TBCD: variants seen among roughly 807,000 people sequenced by gnomAD.
The protein encoded by TBCD is tubulin-specific chaperone D.
Under a neutral mutation model 169.3 loss-of-function variants are expected in TBCD, and 105 were observed. The ratio of observed to expected loss-of-function variants is 0.62; its 90% CI spans 0.53 to 0.73. The LOEUF (loss-of-function observed/expected upper bound fraction) is 0.73, where lower values mean the gene tolerates loss of function less well. Among genes scored for constraint, TBCD ranks in the 30% least tolerant of loss-of-function variants. TBCD has a pLI of 0.00. For missense variants in TBCD, 1,444 were observed against 1,600.1 expected (o/e 0.90, Z 1.66); for synonymous variants, 700 against 643.9 (o/e 1.09, Z -1.32).
intron 13 of TBCD, among the ~76,000 whole-genome samples, chr17:82,863,174 T>G (rs1325831437): frequency 1.3e-4 from 20 of 152,234 alleles, no homozygotes; most frequent in Admixed American, 1.3e-3. Context: ...CCCACCGTCC[T>G]CGTGGTGCCT....
chr17:82,855,989 CCCA>C (rs1177049492), intron 13 of TBCD, among the ~76,000 whole-genome samples: 1 of 142,374 alleles, frequency 7.0e-6, no homozygotes. Flanking sequence ...AGACTCCCCC[CCCA>C]CTTTTTTTTT....
chr17:82,926,226 G>C (rs1372374203), intron 27 of TBCD, among the ~76,000 whole-genome samples, 174 bp from the exon 28 acceptor site: 1 of 150,212 alleles, frequency 6.7e-6, no homozygotes, highest in African/African-American at 2.4e-5. Context: ...ACCTCTCCCC[G>C]GGTGTCCTTC....
rs1316445811 is a variant in TBCD, at chr17:82,925,918, TG to T, written c.2380-480del. ...GGGTGGGGGCTGGCCGTGGAGAGGCTGGAGGTGACCTCTCCCCGGGTGTCCT... is the reference window on the plus strand; with the variant it reads ...GGGTGGGGGCTGGCCGTGGAGAGGCTGAGGTGACCTCTCCCCGGGTGTCCT... On this transcript the variant is annotated intron_variant, in intron 27 of 38. Coordinates refer to ENST00000355528, the MANE Select transcript of TBCD (RefSeq NM_005993.5). Among the ~76,000 whole-genome samples the T allele has an allele frequency of 2.4e-3, 364 of 150,448 alleles. 4 individuals carry two copies. Among genetic ancestry groups the T allele is most frequent in the Middle Eastern group, 0.01 (3 of 294 alleles).
At position 82,752,247 on chromosome 17, in the gene TBCD, C is replaced by G. The variant is rs1003016750; in HGVS notation, c.54C>G (p.Asp18Glu). 1.3e-6 allele frequency: 2 copies of G among 1,525,722 alleles called. No homozygotes were observed. Among genetic ancestry groups the G allele is most frequent in the Non-Finnish European group, 1.8e-6 (2 of 1,140,358 alleles). 94.5% of individuals were successfully genotyped at this position (1,525,722 alleles called of 1,614,324 possible). Reference protein sequence around the residue: ...AAGGPEEEAEDETLAFGAALE... With the variant: ...AAGGPEEEAEEETLAFGAALE... ...GCGGCCCCGAGGAGGAGGCGGAGGA[C>G]GAGACACTGGCCTTTGGCGCGGCGC... Residue 18 changes from aspartate to glutamate, a missense_variant, in exon 1 of 39, where the codon GAC becomes GAG. Asp to Glu is a conservative substitution (Grantham distance 45, BLOSUM62 2). Coordinates refer to ENST00000355528, the MANE Select transcript of TBCD (RefSeq NM_005993.5).
chr17:82,815,263 G>A (rs1180909934), intron 13 of TBCD, among the ~76,000 whole-genome samples: 1 of 152,202 alleles, frequency 6.6e-6, no homozygotes, highest in Non-Finnish European at 1.5e-5. Context: ...GGAGGGCCAC[G>A]AATCCTTGTA....
chr17:82,752,849 G>A (rs555900046), intron 1 of TBCD, among the ~76,000 whole-genome samples: 2 of 152,304 alleles, frequency 1.3e-5, no homozygotes, highest in Admixed American at 6.5e-5. Context: ...GAGAGAGGGG[G>A]ACGCAGGGAA....
chr17:82,818,174 T>C (rs189284063), intron 13 of TBCD, among the ~76,000 whole-genome samples: 18 of 152,364 alleles, frequency 1.2e-4, no homozygotes, highest in African/African-American at 4.1e-4. Flanking sequence ...TGACACGTGA[T>C]GTGGAATACA....
rs544999614 is a variant in TBCD, at chr17:82,806,702, C to T, written c.1087+691C>T. On this transcript the variant is annotated intron_variant, in intron 10 of 38. Coordinates refer to ENST00000355528, the MANE Select transcript of TBCD (RefSeq NM_005993.5). This position sits in a 1 kb window ranked among gnomAD's most constrained non-coding sequence, Gnocchi z 5.1. ...CTGTGCTGCACTCTGCTCACATCCC[C>T]GCCGCTCCCTCCAGGGCAGGTTTCT... 1.3e-5 allele frequency among the ~76,000 whole-genome samples: 2 copies of T among 152,242 alleles called. No homozygotes were observed. Among genetic ancestry groups the T allele is most frequent in the South Asian group, 2.1e-4 (1 of 4,820 alleles).
intron 23 of TBCD, among the ~76,000 whole-genome samples, chr17:82,914,575 C>G (rs8078790): frequency 0.46 from 69,895 of 151,964 alleles, 16,699 homozygotes; most frequent in African/African-American, 0.59. Context: ...CATGTCGCCT[C>G]GCACCGTGGC....
chr17:82,799,544 G>A (rs2050349538), intron 8 of TBCD, among the ~76,000 whole-genome samples: 1 of 149,726 alleles, frequency 6.7e-6, no homozygotes, highest in Admixed American at 6.7e-5. Context: ...CATGTATAAA[G>A]AAGAGAGAAT....
At chr17:82,855,050 T>C (rs867254794) in intron 13 of TBCD, among the ~76,000 whole-genome samples, 1 of 146,418 alleles carries the variant, frequency 6.8e-6, no homozygotes, top group Non-Finnish European at 1.5e-5. Flanking sequence ...CCTGTGGCCT[T>C]CCTCCCTGTG....
chr17:82,777,746 G>C (rs982339386), intron 6 of TBCD, among the ~76,000 whole-genome samples: 17 of 152,348 alleles, frequency 1.1e-4, no homozygotes, highest in Admixed American at 8.5e-4. Flanking sequence ...CAGCATCACA[G>C]GGAGACGGTT....
intron 13 of TBCD, among the ~76,000 whole-genome samples, chr17:82,861,319 G>T (rs2145813516): frequency 6.6e-6 from 1 of 151,524 alleles, no homozygotes; most frequent in Admixed American, 6.6e-5. Flanking sequence ...GGCGAGCCCT[G>T]AATTCCACCT....
intron 3 of TBCD, 87 bp downstream of exon 3, chr17:82,764,149 A>G (rs770275268): frequency 6.8e-5 from 71 of 1,051,312 alleles, no homozygotes; most frequent in Non-Finnish European, 9.3e-5. Flanking sequence ...TTATTTCTCA[A>G]GAAAGATAGT....
chr17:82,798,570 GACTT>G (rs898285631), intron 8 of TBCD, among the ~76,000 whole-genome samples: 2 of 151,526 alleles, frequency 1.3e-5, no homozygotes, highest in Non-Finnish European at 2.9e-5. Flanking sequence ...GTAATAACTG[GACTT>G]TTTGTCACTT....
intron 34 of TBCD, among the ~76,000 whole-genome samples, chr17:82,937,041 A>G (rs1303425894): frequency 6.6e-6 from 1 of 152,170 alleles, no homozygotes; most frequent in African/African-American, 2.4e-5. Flanking sequence ...CAAGAGAGCA[A>G]GAGACAGCAG....
At chr17:82,783,458 C>G (rs1330396836) in intron 7 of TBCD, among the ~76,000 whole-genome samples, 1 of 152,234 alleles carries the variant, frequency 6.6e-6, no homozygotes, top group Non-Finnish European at 1.5e-5. Context: ...TATCTAACTT[C>G]AGGACACTGT....
At chr17:82,753,470 G>C (rs1447924401) in intron 1 of TBCD, among the ~76,000 whole-genome samples, 1 of 15,958 alleles carries the variant, frequency 6.3e-5, no homozygotes, top group African/African-American at 2.8e-4. Context: ...TTTTTTTTTT[G>C]ATACGAAGTC....
chr17:82,892,094 G>A (rs2059181345), intron 16 of TBCD, among the ~76,000 whole-genome samples: 1 of 151,418 alleles, frequency 6.6e-6, no homozygotes, highest in African/African-American at 2.5e-5. Flanking sequence ...TTGTCTGCTC[G>A]GAGCCTGTTG....
Sources: gnomAD v4.1 joint callset for allele counts (sites outside exome capture counted in the v4.1 genomes callset) on GRCh38, gnomAD v4.1.1 for gene constraint, Gnocchi (gnomAD v3.1) non-coding constraint, MANE v1.5 for transcripts, NCBI Gene and HGNC (gene_info 2026-07-23, HGNC 2026-07-21) for gene names.